ENTREP2: variants seen among roughly 807,000 people sequenced by gnomAD.
The protein encoded by ENTREP2 is endosomal transmembrane epsin interactor 2, also known as protein ENTREP2.
chr15:29,156,786 G>A, the ENTREP2 span, among the ~76,000 whole-genome samples: 2 of 152,174 alleles, frequency 1.3e-5, no homozygotes, highest in South Asian at 2.1e-4. Flanking sequence ...TGAGATGCCT[G>A]CGCGTGGGCC....
chr15:29,303,216 G>A, the ENTREP2 span, among the ~76,000 whole-genome samples: 2 of 152,246 alleles, frequency 1.3e-5, no homozygotes, highest in Non-Finnish European at 2.9e-5. Flanking sequence ...CTGAAAAGGT[G>A]ACAGGAAGAG....
At chr15:29,675,118 C>G in the ENTREP2 span, 1 of 152,850 alleles carries the variant, frequency 6.5e-6, no homozygotes, top group African/African-American at 2.4e-5. Flanking sequence ...GGCCGCGGAT[C>G]TCCAGCACGC....
At chr15:29,220,070 C>T in the ENTREP2 span, among the ~76,000 whole-genome samples, 3 of 152,100 alleles carry the variant, frequency 2.0e-5, no homozygotes, top group South Asian at 2.1e-4. Context: ...AGTAGAGAGG[C>T]GAGACAGTAG....
chr15:29,189,817 A>G, the ENTREP2 span, among the ~76,000 whole-genome samples: 1 of 152,190 alleles, frequency 6.6e-6, no homozygotes, highest in Admixed American at 6.5e-5. Context: ...AATGGCCATC[A>G]ATCTACCTAA....
chr15:29,656,801 A>C, the ENTREP2 span, among the ~76,000 whole-genome samples: 1 of 152,210 alleles, frequency 6.6e-6, no homozygotes, highest in Non-Finnish European at 1.5e-5. Flanking sequence ...GTTTCTTCTA[A>C]AGTTAAGCAT....
the ENTREP2 span, among the ~76,000 whole-genome samples, chr15:29,387,895 C>T: frequency 6.6e-5 from 10 of 152,292 alleles, no homozygotes; most frequent in Admixed American, 3.9e-4. Flanking sequence ...AAAAATGGTG[C>T]TGGGAAAACT....
chr15:29,233,664 G>C, the ENTREP2 span: 1 of 972,516 alleles, frequency 1.0e-6, no homozygotes, highest in Non-Finnish European at 1.7e-6. Flanking sequence ...TAAAGCTATG[G>C]ATGGATGGGC....
the ENTREP2 span, among the ~76,000 whole-genome samples, chr15:29,636,628 C>A: frequency 6.6e-6 from 1 of 152,322 alleles, no homozygotes; most frequent in South Asian, 2.1e-4. Flanking sequence ...ACGCTCCTGC[C>A]ACCATCTCAG....
the ENTREP2 span, among the ~76,000 whole-genome samples, chr15:29,489,874 G>A: frequency 2.3e-3 from 343 of 152,352 alleles, 1 homozygote; most frequent in African/African-American, 7.7e-3. Context: ...CAGGTCTCGA[G>A]ATGGCTGATG....
At chr15:29,366,425 T>C in the ENTREP2 span, among the ~76,000 whole-genome samples, 3 of 152,234 alleles carry the variant, frequency 2.0e-5, no homozygotes, top group East Asian at 1.9e-4. Flanking sequence ...ATCAGCTTTA[T>C]TGAAGTATAA....
chr15:29,373,945 T>A, the ENTREP2 span: 13 of 152,162 alleles, frequency 8.5e-5, no homozygotes, highest in African/African-American at 3.1e-4. Flanking sequence ...GCACTATGAA[T>A]CTAATTTTCA....
the ENTREP2 span, among the ~76,000 whole-genome samples, chr15:29,129,520 T>C: frequency 6.6e-6 from 1 of 152,328 alleles, no homozygotes; most frequent in South Asian, 2.1e-4. Context: ...TCTCGCTCCA[T>C]GGCCCAGGCT....
At chr15:29,287,221 T>C in the ENTREP2 span, among the ~76,000 whole-genome samples, 2 of 152,012 alleles carry the variant, frequency 1.3e-5, no homozygotes, top group South Asian at 4.1e-4. Flanking sequence ...CATTTCCCCA[T>C]GGAATGGGGA....
At chr15:29,328,751 G>A in the ENTREP2 span, among the ~76,000 whole-genome samples, 1 of 152,182 alleles carries the variant, frequency 6.6e-6, no homozygotes, top group Non-Finnish European at 1.5e-5. Flanking sequence ...AACAGGGGAG[G>A]AGGCTGGACT....
At chr15:29,133,275 G>C in the ENTREP2 span, among the ~76,000 whole-genome samples, 2 of 152,224 alleles carry the variant, frequency 1.3e-5, no homozygotes, top group East Asian at 3.9e-4. Context: ...AACATCCTGC[G>C]AGAGTGATCT....
the ENTREP2 span, among the ~76,000 whole-genome samples, chr15:29,383,263 A>G: frequency 6.6e-6 from 1 of 152,156 alleles, no homozygotes; most frequent in East Asian, 1.9e-4. Flanking sequence ...GTCCAACCCA[A>G]CATGTCCAAA....
At chr15:29,497,465 C>G in the ENTREP2 span, among the ~76,000 whole-genome samples, 2 of 152,118 alleles carry the variant, frequency 1.3e-5, no homozygotes, top group African/African-American at 4.8e-5. Context: ...CCTGTTAAGA[C>G]TTCTTTTTCT....
At chr15:29,513,968 T>A in the ENTREP2 span, among the ~76,000 whole-genome samples, 3 of 152,134 alleles carry the variant, frequency 2.0e-5, no homozygotes, top group South Asian at 6.2e-4. Context: ...ACCTCCTAAG[T>A]AATTAAATTG....
the ENTREP2 span, among the ~76,000 whole-genome samples, chr15:29,377,696 C>A: frequency 2.6e-5 from 4 of 151,858 alleles, no homozygotes; most frequent in South Asian, 8.3e-4. Flanking sequence ...GTGCGCACAC[C>A]TTTAATCCCA....
Sources: gnomAD v4.1 joint callset for allele counts (sites outside exome capture counted in the v4.1 genomes callset) on GRCh38, gnomAD v4.1.1 for gene constraint, MANE v1.5 for transcripts, NCBI Gene and HGNC (gene_info 2026-07-23, HGNC 2026-07-21) for gene names.